The following CFAP206 variants were observed in gnomAD, a reference collection of about 807,000 sequenced individuals.
CFAP206 encodes the protein cilia- and flagella-associated protein 206.
CFAP206 carries 53 observed loss-of-function variants against 65.4 expected under a neutral mutation model. The observed-to-expected ratio is 0.81, with a 90% CI of 0.65 to 1.02. The LOEUF (loss-of-function observed/expected upper bound fraction) is 1.02. CFAP206 is among the 50% of genes least tolerant of loss of function. The probability of loss-of-function intolerance (pLI) is 0.00; values close to 1 mark genes in which losing one functional copy is unlikely to be tolerated. For missense variants in CFAP206, 663 were observed against 753.2 expected (o/e 0.88, Z 1.40); for synonymous variants, 250 against 254.4 (o/e 0.98, Z 0.17).
Position 87,410,065 on chromosome 6 carries a change from C to T in CFAP206, c.108+118C>T, listed in dbSNP as rs75076421. 1.5e-3 allele frequency: 1,074 copies of T among 700,348 alleles called. 2 individuals carry two copies. In the African/African-American group the frequency reaches 0.018, roughly 11 times the overall value. 43.4% of individuals were successfully genotyped at this position (700,348 alleles called of 1,614,324 possible). A position where few individuals can be genotyped will look rare whatever the true frequency, so the allele number is the denominator to read the frequency against. ...TAAATGTTTTTCAGTTGAAGCATAA[C>T]GAGATAATTGGACAAATTTGTGAAA... On this transcript the variant is annotated intron_variant, in intron 2 of 12. Coordinates refer to ENST00000369562, the MANE Select transcript of CFAP206 (RefSeq NM_001031743.3).
intron 2 of CFAP206, 121 bp from the exon 3 acceptor site, chr6:87,410,464 A>G: frequency 1.3e-6 from 1 of 774,014 alleles, no homozygotes; most frequent in Non-Finnish European, 2.2e-6. Context: ...TGGAAAACCA[A>G]CCCCAACGTA....
chr6:87,444,210 G>A (rs915406887), intron 11 of CFAP206, among the ~76,000 whole-genome samples: 1 of 152,086 alleles, frequency 6.6e-6, no homozygotes, highest in Non-Finnish European at 1.5e-5. Context: ...GAATGGATAC[G>A]CTAATGGCAA....
intron 7 of CFAP206, among the ~76,000 whole-genome samples, chr6:87,420,911 TTTTTG>T (rs1197768349): frequency 2.0e-5 from 3 of 152,184 alleles, no homozygotes; most frequent in African/African-American, 7.2e-5. Context: ...CAAACAGTCT[TTTTTG>T]TTTTGTTTTG....
chr6:87,413,873 TA>T lies in CFAP206; in HGVS notation c.257del (p.Tyr86SerfsTer4). 6.4e-7 allele frequency: 1 copy of T among 1,551,168 alleles called. No homozygotes were observed. The highest frequency in any genetic ancestry group is 8.6e-7 in the Non-Finnish European group (1 of 1,157,354). On this transcript the variant is annotated frameshift_variant, in exon 4 of 13. Coordinates refer to ENST00000369562, the MANE Select transcript of CFAP206 (RefSeq NM_001031743.3). LOFTEE classifies it high-confidence loss of function. The stretch of plus-strand genomic sequence containing the variant: ...CCTGGACACTATTAAGATGCAAGTC[TA>T]CTTCGATATGAATTATACGAATCGA... ...PSLDTIKMQVYFDMNYTNRVE... is the reference protein window; with the variant it reads ...PSLDTIKMQVXFDMNYTNRVE...
intron 11 of CFAP206, among the ~76,000 whole-genome samples, chr6:87,442,497 C>T (rs538238007): frequency 1.3e-5 from 2 of 152,242 alleles, no homozygotes; most frequent in South Asian, 4.1e-4. Flanking sequence ...TTTTATCTTA[C>T]TACATTGACA....
intron 6 of CFAP206, among the ~76,000 whole-genome samples, chr6:87,417,946 G>A (rs912835180): frequency 2.6e-5 from 4 of 151,728 alleles, no homozygotes; most frequent in African/African-American, 4.8e-5. Flanking sequence ...CACCATGTTG[G>A]CCAGGATGGT....
In CFAP206 at chr6:87,416,700, G is replaced by A; in HGVS notation, c.504G>A (p.Glu168=). 1.2e-6 allele frequency: 2 copies of A among 1,612,854 alleles called. No individual in the cohort carries two copies. The highest frequency in any genetic ancestry group is 1.7e-6 in the Non-Finnish European group (2 of 1,179,524). Residue 168 remains glutamate (E), a synonymous_variant, in exon 6 of 13, where the codon GAG becomes GAA. Transcript: ENST00000369562. ...TACAGAGTGTTTTTCCTCAGGCAGA[G>A]CTTGGGACATTTCTAACTCTTTCTA... ...AALQSVFPQA[E]LGTFLTLSKK...
Position 87,464,242 on chromosome 6 carries a change from G to A in CFAP206, c.1861G>A (p.Glu621Lys), listed in dbSNP as rs201973315. 85 of 1,612,202 alleles carry A rather than the reference G, an allele frequency of 5.3e-5. No individual in the cohort carries two copies. The highest frequency in any genetic ancestry group is 6.7e-5 in the Admixed American group (4 of 59,874). Residue 621 changes from glutamate (E) to lysine (K), a missense_variant, in exon 13 of 13, where the codon GAA (glutamate) becomes AAA (lysine). By Grantham distance (56) the Glu-to-Lys change is moderately conservative. Coordinates refer to ENST00000369562, the MANE Select transcript of CFAP206 (RefSeq NM_001031743.3). ...VKVNLTRDVD[E>K]T is the part of the protein sequence containing the mutation. ...GGTGAACTTAACTAGAGATGTGGATGAAACCTAATTACAGACAACGTTTTA... is the reference window on the plus strand; with the variant it reads ...GGTGAACTTAACTAGAGATGTGGATAAAACCTAATTACAGACAACGTTTTA...
intron 11 of CFAP206, chr6:87,435,496 T>C (rs1768248309): frequency 6.5e-6 from 1 of 153,316 alleles, no homozygotes; most frequent in Non-Finnish European, 1.5e-5. Context: ...ATTAATTCAT[T>C]CATCTTATTT....
intron 11 of CFAP206, among the ~76,000 whole-genome samples, chr6:87,458,616 T>C (rs1768691078): frequency 6.6e-6 from 1 of 151,966 alleles, no homozygotes; most frequent in Non-Finnish European, 1.5e-5. Context: ...AAAACTAAAC[T>C]AATTGAAATG....
At position 87,464,402 on chromosome 6, in the gene CFAP206, G is replaced by T; in HGVS notation, c.*152G>T. ...TTGGGTTCCCATATTTTATCAAACT[G>T]TTTTCTGTAACACATTTTTCATTCT... On this transcript the variant is annotated 3_prime_UTR_variant, in exon 13 of 13. Transcript: ENST00000369562. The T allele has an allele frequency of 4.2e-6, 2 of 476,042 alleles. No individual in the cohort carries two copies. The highest frequency in any genetic ancestry group is 3.8e-5 in the Admixed American group (1 of 26,622). 29.5% of individuals were successfully genotyped at this position (476,042 alleles called of 1,614,324 possible).
chr6:87,428,907 A>G, intron 9 of CFAP206, 83 bp downstream of exon 9: 1 of 1,290,362 alleles, frequency 7.7e-7, no homozygotes, highest in Admixed American at 1.9e-5. Flanking sequence ...AAAATTTCAT[A>G]TCTTTCTGAT....
intron 7 of CFAP206, among the ~76,000 whole-genome samples, chr6:87,422,774 A>G (rs12192045): frequency 0.077 from 11,539 of 150,630 alleles, 602 homozygotes; most frequent in Middle Eastern, 0.14. Context: ...CAAAACAAAC[A>G]AAAAAACAAC....
intron 12 of CFAP206, among the ~76,000 whole-genome samples, chr6:87,462,694 A>T (rs545968216): frequency 6.6e-6 from 1 of 152,320 alleles, no homozygotes; most frequent in South Asian, 2.1e-4. Context: ...AGGTGACAGC[A>T]TAGGTATGGA....
intron 4 of CFAP206, 139 bp from the exon 5 acceptor site, chr6:87,415,547 T>C: frequency 1.2e-6 from 1 of 825,788 alleles, no homozygotes. Flanking sequence ...CACTGTTTTT[T>C]ATTTCATTAT....
At chr6:87,460,285 T>C (rs1311375329) in intron 11 of CFAP206, among the ~76,000 whole-genome samples, 1 of 152,216 alleles carries the variant, frequency 6.6e-6, no homozygotes, top group Non-Finnish European at 1.5e-5. Context: ...ATCAGTATAT[T>C]CAACTAAAAA....
intron 11 of CFAP206, among the ~76,000 whole-genome samples, chr6:87,446,658 G>C (rs1025680515): frequency 1.3e-5 from 2 of 152,126 alleles, no homozygotes; most frequent in African/African-American, 4.8e-5. Flanking sequence ...TTTTTGCTTA[G>C]GATTGTCTTG....
Position 87,444,962 on chromosome 6 carries a change from T to C in CFAP206, c.1494+9909T>C, listed in dbSNP as rs2092646. 2.4e-3 allele frequency: 1,248 copies of C among 527,928 alleles called. 3 individuals carry two copies. The highest frequency in any genetic ancestry group is 0.022 in the African/African-American group (1,161 of 52,238). The allele number at this position is 527,928 out of a possible 1,614,324, so 32.7% of individuals were successfully genotyped here. A position where few individuals can be genotyped will look rare whatever the true frequency, so the allele number is the denominator to read the frequency against. The stretch of plus-strand genomic sequence containing the variant: ...ATTTATTTCAATGGCTCTGTTACAA[T>C]ATCAGATGGCAGCATTTGGCTTCTG... On this transcript the variant is annotated intron_variant, in intron 11 of 12. Transcript: ENST00000369562.
At chr6:87,447,971 T>TATTATTATTATTATTATTATA (rs1434789677) in intron 11 of CFAP206, among the ~76,000 whole-genome samples, 1 of 149,102 alleles carries the variant, frequency 6.7e-6, no homozygotes, top group African/African-American at 2.6e-5. Flanking sequence ...TTATTATTAC[T>TATTATTATTATTATTATTATA]ATACTTTAAG....
Sources: allele counts gnomAD v4.1 joint callset (sites outside exome capture counted in the v4.1 genomes callset), GRCh38; gene constraint gnomAD v4.1.1; transcripts MANE v1.5; gene names NCBI Gene and HGNC (gene_info 2026-07-23, HGNC 2026-07-21).